Variants in ST6GALNAC5 observed in about 807,000 individuals in gnomAD.
The protein encoded by ST6GALNAC5 is alpha-N-acetylgalactosaminide alpha-2,6-sialyltransferase 5.
Under a neutral mutation model 33.6 loss-of-function variants are expected in ST6GALNAC5, and 27 were observed. The observed-to-expected ratio is 0.80, with a 90% confidence interval of 0.59 to 1.11. The LOEUF is 1.11. ST6GALNAC5 is among the 50% of genes least tolerant of loss of function. The probability of loss-of-function intolerance (pLI) is 0.00; values close to 1 mark genes in which losing one functional copy is unlikely to be tolerated. For missense variants in ST6GALNAC5, 428 were observed against 454.0 expected (o/e 0.94, Z 0.52); for synonymous variants, 194 against 171.2 (o/e 1.13, Z -1.04).
intron 2 of ST6GALNAC5, among the ~76,000 whole-genome samples, chr1:77,042,985 TC>T (rs943688375): frequency 6.6e-6 from 1 of 152,158 alleles, no homozygotes; most frequent in Admixed American, 6.5e-5. Flanking sequence ...TTGGCTGCCC[TC>T]GGGTGCTCTC....
intron 2 of ST6GALNAC5, among the ~76,000 whole-genome samples, chr1:77,011,755 A>G (rs1444640577): frequency 6.6e-6 from 1 of 152,094 alleles, no homozygotes; most frequent in African/African-American, 2.4e-5. Flanking sequence ...GTACTTATAT[A>G]CAAGATATTG....
At chr1:76,960,484 T>C (rs188496635) in intron 2 of ST6GALNAC5, among the ~76,000 whole-genome samples, 1 of 152,264 alleles carries the variant, frequency 6.6e-6, no homozygotes, top group African/African-American at 2.4e-5. Context: ...GCATTGTCAT[T>C]GATAACATCT....
intron 2 of ST6GALNAC5, among the ~76,000 whole-genome samples, chr1:76,874,640 T>C (rs1653586511): frequency 6.6e-6 from 1 of 152,158 alleles, no homozygotes; most frequent in Non-Finnish European, 1.5e-5. Context: ...TTCACATTTT[T>C]CTGCCTGTTT....
At chr1:77,008,775 C>T (rs1488724446) in intron 2 of ST6GALNAC5, among the ~76,000 whole-genome samples, 3 of 152,136 alleles carry the variant, frequency 2.0e-5, no homozygotes, top group Admixed American at 2.0e-4. Context: ...GATGATCCAC[C>T]CGCCTCAGCC....
At chr1:77,032,123 T>C (rs1220003584) in intron 2 of ST6GALNAC5, among the ~76,000 whole-genome samples, 1 of 152,136 alleles carries the variant, frequency 6.6e-6, no homozygotes, top group Non-Finnish European at 1.5e-5. Flanking sequence ...CGGTTTACAA[T>C]TGAGGAGACT....
At position 76,880,621 on chromosome 1, in the gene ST6GALNAC5, G is replaced by T. The variant is rs946795488; in HGVS notation, c.261+11879G>T. On this transcript the variant is annotated intron_variant, in intron 2 of 4. Transcript: ENST00000477717. ...CAGGAAGCATCCAGCATGGAAGAAA[G>T]ATGTAGGCTAAGAGGCTAGGCCGGT... Among the ~76,000 whole-genome samples the T allele has an allele frequency of 2.6e-4, 40 of 152,294 alleles. 1 individual carries two copies. The highest frequency in any genetic ancestry group is 8.7e-4 in the African/African-American group (36 of 41,564).
chr1:76,899,793 G>C (rs1426092589), intron 2 of ST6GALNAC5, among the ~76,000 whole-genome samples: 2 of 152,194 alleles, frequency 1.3e-5, no homozygotes, highest in Non-Finnish European at 2.9e-5. Context: ...GGGATAGTGA[G>C]AGAGGTTGGA....
Position 76,880,176 on chromosome 1 carries a change from G to A in ST6GALNAC5, c.261+11434G>A, listed in dbSNP as rs979824529. Among the ~76,000 whole-genome samples, 4 of 152,166 alleles carry A rather than the reference G, an allele frequency of 2.6e-5. No homozygotes were observed. The East Asian group carries it at 5.8e-4, about 22-fold the overall frequency. On this transcript the variant is annotated intron_variant, in intron 2 of 4. Transcript: ENST00000477717. ...CATATGGTCAAAGGTATTAGGTATA[G>A]TCACTAAACTCCTTGCCTCTTAGGA...
chr1:76,883,724 C>A (rs1653834948), intron 2 of ST6GALNAC5, among the ~76,000 whole-genome samples: 1 of 152,142 alleles, frequency 6.6e-6, no homozygotes, highest in East Asian at 1.9e-4. Flanking sequence ...TAGGCTTGAT[C>A]CAGTTTATAG....
At chr1:77,038,901 G>A (rs751381063) in intron 2 of ST6GALNAC5, among the ~76,000 whole-genome samples, 4 of 152,200 alleles carry the variant, frequency 2.6e-5, no homozygotes, top group Non-Finnish European at 4.4e-5. Context: ...GTTGCTGGGG[G>A]TGGGCAGGGG....
intron 2 of ST6GALNAC5, among the ~76,000 whole-genome samples, chr1:76,949,705 T>A (rs908948240): frequency 2.0e-5 from 3 of 152,082 alleles, no homozygotes; most frequent in Admixed American, 2.0e-4. Context: ...ACCAGGTTGA[T>A]CAACTCGAGA....
intron 4 of ST6GALNAC5, among the ~76,000 whole-genome samples, chr1:77,053,753 C>T (rs1433272681): frequency 1.3e-5 from 2 of 152,176 alleles, no homozygotes; most frequent in Non-Finnish European, 2.9e-5. Flanking sequence ...CTGTTCAGTA[C>T]ACAGAAAGTT....
At chr1:76,951,359 G>A (rs1647735464) in intron 2 of ST6GALNAC5, among the ~76,000 whole-genome samples, 1 of 152,126 alleles carries the variant, frequency 6.6e-6, no homozygotes, top group Non-Finnish European at 1.5e-5. Context: ...GTTTAAAAAT[G>A]TGTGTGTGTC....
At chr1:76,911,535 T>C (rs1646911374) in intron 2 of ST6GALNAC5, among the ~76,000 whole-genome samples, 2 of 152,186 alleles carry the variant, frequency 1.3e-5, no homozygotes, top group African/African-American at 4.8e-5. Context: ...TTCCTCCTTG[T>C]ACCTCTGGTA....
At chr1:76,975,875 G>T (rs544502645) in intron 2 of ST6GALNAC5, among the ~76,000 whole-genome samples, 2 of 152,098 alleles carry the variant, frequency 1.3e-5, no homozygotes, top group Non-Finnish European at 2.9e-5. Context: ...TGGGCAGATT[G>T]CTTGAGCTCA....
At chr1:76,912,496 C>T (rs1304468452) in intron 2 of ST6GALNAC5, among the ~76,000 whole-genome samples, 6 of 151,820 alleles carry the variant, frequency 4.0e-5, no homozygotes, top group Admixed American at 1.3e-4. Flanking sequence ...CTTTCTGTCT[C>T]GTTGATCTGT....
At chr1:77,036,109 C>T (rs1000923176) in intron 2 of ST6GALNAC5, among the ~76,000 whole-genome samples, 5 of 151,972 alleles carry the variant, frequency 3.3e-5, no homozygotes, top group African/African-American at 9.7e-5. Flanking sequence ...TACAAGATGA[C>T]GCTGAATTTT....
rs570065458 is a variant in ST6GALNAC5 at position 76,868,587 on chromosome 1, C to T, written c.106C>T (p.Pro36Ser). 292 of 1,611,708 alleles carry T rather than the reference C, an allele frequency of 1.8e-4. No homozygotes were observed. The East Asian group carries it at 6.5e-3, about 36-fold the overall frequency. The change falls in exon 2 of 5, where the codon CCC (proline) becomes TCC (serine). Residue 36 changes from proline (P) to serine (S), a missense_variant. By Grantham distance (74) the Pro-to-Ser change is moderately conservative. Transcript: ENST00000477717. The surrounding 1 kb of genome is among the most constrained non-coding windows in gnomAD (Gnocchi z 4.3). ...YSSLGGQKER[P>S]PQQQQQQQQQ... ...CAGCCTCGGCGGCCAGAAGGAGCGG[C>T]CCCCGCAGCAGCAGCAGCAGCAGCA...
intron 2 of ST6GALNAC5, among the ~76,000 whole-genome samples, chr1:77,001,910 T>A (rs1650184023): frequency 6.6e-6 from 1 of 152,084 alleles, no homozygotes; most frequent in Admixed American, 6.6e-5. Context: ...TATTGAGGAT[T>A]TTTGCATCAA....
Sources: gnomAD v4.1 joint callset for allele counts (sites outside exome capture counted in the v4.1 genomes callset) on GRCh38, gnomAD v4.1.1 for gene constraint, Gnocchi (gnomAD v3.1) non-coding constraint, MANE v1.5 for transcripts, NCBI Gene and HGNC (gene_info 2026-07-23, HGNC 2026-07-21) for gene names.